DENND6A: variants seen among roughly 807,000 people sequenced by gnomAD.
DENND6A encodes DENN domain containing 6A.
DENND6A carries 43 observed loss-of-function variants against 95.5 expected under a neutral mutation model. The ratio of observed to expected loss-of-function variants is 0.45; its 90% CI spans 0.35 to 0.58. DENND6A has a LOEUF of 0.58. Ranked by LOEUF, DENND6A falls within the 20% of genes least tolerant of loss-of-function variation. The probability of loss-of-function intolerance (pLI) is 0.00; values close to 1 mark genes in which losing one functional copy is unlikely to be tolerated. For missense variants in DENND6A, 574 were observed against 736.0 expected (o/e 0.78, Z 2.55); for synonymous variants, 257 against 260.4 (o/e 0.99, Z 0.13).
chr3:57,658,867 C>A (rs2071375093), intron 8 of DENND6A, among the ~76,000 whole-genome samples: 1 of 152,178 alleles, frequency 6.6e-6, no homozygotes. Context: ...AAAAAATTCA[C>A]TTTCCCCTTT....
Position 57,628,120 on chromosome 3 carries a change from G to T in DENND6A, c.*94C>A. The T allele has an allele frequency of 6.6e-7, 1 of 1,509,458 alleles. No homozygotes were observed. Among genetic ancestry groups the T allele is most frequent in the Non-Finnish European group, 8.9e-7 (1 of 1,125,682 alleles). The allele number at this position is 1,509,458 out of a possible 1,614,324, so 93.5% of individuals were successfully genotyped here. On this transcript the variant is annotated 3_prime_UTR_variant, in exon 20 of 20. Transcript: ENST00000311128. ...AGCATTCATGGCAATTTTCCACTCCGCTGCCACTGAGAGATCTCCTTTGTG... is the reference window on the plus strand; with the variant it reads ...AGCATTCATGGCAATTTTCCACTCCTCTGCCACTGAGAGATCTCCTTTGTG...
chr3:57,641,631 G>C, intron 12 of DENND6A, 22 bp downstream of exon 12: 1 of 1,593,358 alleles, frequency 6.3e-7, no homozygotes, highest in East Asian at 2.2e-5. Flanking sequence ...ACTAGAAACA[G>C]AACACCAAGT....
At chr3:57,659,077 C>CTA (rs2071378618) in intron 8 of DENND6A, 41 bp downstream of exon 8, 2 of 1,595,758 alleles carry the variant, frequency 1.3e-6, no homozygotes, top group East Asian at 4.5e-5. Flanking sequence ...GTTAAAGAGA[C>CTA]TATATATGTG....
chr3:57,646,183 G>A, intron 10 of DENND6A, 133 bp downstream of exon 10: 1 of 1,276,988 alleles, frequency 7.8e-7, no homozygotes, highest in Non-Finnish European at 1.1e-6. Flanking sequence ...TTCTGATAGG[G>A]TTTTTGCATG....
At chr3:57,661,904 A>C (rs1357190151) in intron 5 of DENND6A, among the ~76,000 whole-genome samples, 1 of 152,184 alleles carries the variant, frequency 6.6e-6, no homozygotes, top group Non-Finnish European at 1.5e-5. Flanking sequence ...AGAAAGAGTA[A>C]ATTTTGATAC....
chr3:57,674,656 G>C (rs2071680114), intron 1 of DENND6A, among the ~76,000 whole-genome samples: 1 of 151,942 alleles, frequency 6.6e-6, no homozygotes, highest in Non-Finnish European at 1.5e-5. Flanking sequence ...AAATAAATAA[G>C]ATAAAATAAA....
At chr3:57,675,708 C>G (rs764830897) in intron 1 of DENND6A, among the ~76,000 whole-genome samples, 5 of 152,184 alleles carry the variant, frequency 3.3e-5, no homozygotes, top group Non-Finnish European at 5.9e-5. Flanking sequence ...AAACAACACA[C>G]CCAAGGGCAC....
intron 3 of DENND6A, among the ~76,000 whole-genome samples, chr3:57,668,445 A>G (rs557290037): frequency 6.6e-6 from 1 of 152,306 alleles, no homozygotes; most frequent in South Asian, 2.1e-4. Flanking sequence ...TTGGGCACTC[A>G]TCACAGCTTA....
chr3:57,680,759 T>C (rs2077156979), intron 1 of DENND6A, among the ~76,000 whole-genome samples: 1 of 147,408 alleles, frequency 6.8e-6, no homozygotes, highest in South Asian at 2.2e-4. Context: ...AATAGATACT[T>C]CTCCAAAAAA....
At chr3:57,629,841 G>A (rs1464873179) in intron 18 of DENND6A, among the ~76,000 whole-genome samples, 1 of 152,018 alleles carries the variant, frequency 6.6e-6, no homozygotes, top group Non-Finnish European at 1.5e-5. Flanking sequence ...TTCTAAAAGT[G>A]TTAATACTAA....
At chr3:57,663,858 T>C (rs977250318) in intron 4 of DENND6A, 142 bp from the exon 5 acceptor site, 24 of 426,518 alleles carry the variant, frequency 5.6e-5, no homozygotes, top group Non-Finnish European at 1.0e-4. Context: ...CACGAAGAGC[T>C]AGTTACGCTT....
intron 18 of DENND6A, among the ~76,000 whole-genome samples, chr3:57,629,672 C>T (rs1188065601): frequency 2.0e-5 from 3 of 149,918 alleles, no homozygotes; most frequent in East Asian, 1.9e-4. Context: ...CCACCACGCC[C>T]GGCTAATTTT....
chr3:57,665,519 G>A (rs2071512588), intron 4 of DENND6A, among the ~76,000 whole-genome samples: 1 of 152,096 alleles, frequency 6.6e-6, no homozygotes, highest in Non-Finnish European at 1.5e-5. Context: ...GTGACAGCAA[G>A]GAGGAGATGG....
At chr3:57,681,991 CT>C (rs1481924620) in intron 1 of DENND6A, among the ~76,000 whole-genome samples, 3 of 152,084 alleles carry the variant, frequency 2.0e-5, no homozygotes, top group Non-Finnish European at 4.4e-5. Context: ...ATGTGAATAC[CT>C]GAATTTTTAA....
intron 3 of DENND6A, among the ~76,000 whole-genome samples, chr3:57,670,019 C>CAAAAA: frequency 3.5e-5 from 2 of 57,774 alleles, no homozygotes; most frequent in African/African-American, 7.3e-5. Flanking sequence ...AACTCCATCT[C>CAAAAA]AAAAAAAAAA....
At chr3:57,681,800 T>C (rs73086499) in intron 1 of DENND6A, among the ~76,000 whole-genome samples, 20,276 of 152,026 alleles carry the variant, frequency 0.13, 1,444 homozygotes, top group South Asian at 0.21. Flanking sequence ...TCCACTCCCA[T>C]GAAAAGCATA....
chr3:57,632,166 C>T (rs1559803347), intron 15 of DENND6A, among the ~76,000 whole-genome samples: 1 of 150,672 alleles, frequency 6.6e-6, no homozygotes, highest in East Asian at 2.0e-4. Flanking sequence ...ACTACAGGTG[C>T]GTGCCACCAT....
At chr3:57,650,185 A>G (rs1559814510) in intron 9 of DENND6A, among the ~76,000 whole-genome samples, 1 of 152,052 alleles carries the variant, frequency 6.6e-6, no homozygotes, top group Non-Finnish European at 1.5e-5. Context: ...CATATTGGGT[A>G]CAGTGTACAT....
chr3:57,642,517 C>A lies in DENND6A; in HGVS notation c.1038-770G>T, dbSNP rs1288848713. Among the ~76,000 whole-genome samples, 3 of 151,904 alleles carry A rather than the reference C, an allele frequency of 2.0e-5. No homozygotes were observed. The East Asian group carries it at 5.8e-4, about 29-fold the overall frequency. On this transcript the variant is annotated intron_variant, in intron 11 of 19. Coordinates refer to ENST00000311128, the MANE Select transcript of DENND6A (RefSeq NM_152678.3). ...GCAATGAAGTGACATTATGGCCTGTCTGTAGAACTACACAGAGTTTAGCAT... is the reference window on the plus strand; with the variant it reads ...GCAATGAAGTGACATTATGGCCTGTATGTAGAACTACACAGAGTTTAGCAT...
Sources: gnomAD v4.1 joint callset for allele counts (sites outside exome capture counted in the v4.1 genomes callset) on GRCh38, gnomAD v4.1.1 for gene constraint, MANE v1.5 for transcripts, NCBI Gene and HGNC (gene_info 2026-07-23, HGNC 2026-07-21) for gene names.